The following SOX6 variants were observed in gnomAD, a reference collection of about 807,000 sequenced individuals.
SOX6 encodes the protein SRY-box transcription factor 6.
SOX6 carries 11 observed loss-of-function variants against 97.8 expected under a neutral mutation model. The observed-to-expected ratio is 0.11, with a 90% CI of 0.07 to 0.19. The LOEUF is 0.19. Among genes scored for constraint, SOX6 ranks in the 10% least tolerant of loss-of-function variants. The pLI is 1.00. For synonymous variants in SOX6, 360 were observed against 371.4 expected (o/e 0.97, Z 0.35); for missense variants, 810 against 1,039.5 (o/e 0.78, Z 3.04).
intron 1 of SOX6, among the ~76,000 whole-genome samples, chr11:16,390,363 C>T (rs1295367393): frequency 6.6e-6 from 1 of 152,154 alleles, no homozygotes; most frequent in Non-Finnish European, 1.5e-5. Flanking sequence ...ATTCTCCTCT[C>T]AAGATTTAGT....
intron 4 of SOX6, among the ~76,000 whole-genome samples, chr11:16,187,569 A>G (rs1028058047): frequency 1.3e-5 from 2 of 152,168 alleles, no homozygotes; most frequent in Non-Finnish European, 2.9e-5. Flanking sequence ...GAAAGGATCA[A>G]GTAAAATTCC....
chr11:16,147,944 C>T (rs1180239414), intron 6 of SOX6, among the ~76,000 whole-genome samples: 2 of 152,184 alleles, frequency 1.3e-5, no homozygotes, highest in Non-Finnish European at 2.9e-5. Flanking sequence ...TGGTCTTTCA[C>T]ACACCTTTCA....
At chr11:16,325,727 C>T (rs948163573) in intron 2 of SOX6, among the ~76,000 whole-genome samples, 1 of 152,042 alleles carries the variant, frequency 6.6e-6, no homozygotes, top group Non-Finnish European at 1.5e-5. Flanking sequence ...AATCTAGATA[C>T]TTATTGCTAT....
chr11:16,338,748 C>T (rs1351619794), intron 2 of SOX6, among the ~76,000 whole-genome samples: 1 of 151,972 alleles, frequency 6.6e-6, no homozygotes, highest in East Asian at 1.9e-4. Context: ...ATTTCTTTTA[C>T]ATTAATATTT....
chr11:16,714,260 A>AC (rs200435224), intron 3 of SOX6, among the ~76,000 whole-genome samples: 1,738 of 152,108 alleles, frequency 0.011, 26 homozygotes, highest in African/African-American at 0.039. Context: ...GGAAAAAAAA[A>AC]ATCTGCTTCC....
At chr11:16,547,005 T>C (rs759213125) in intron 4 of SOX6, among the ~76,000 whole-genome samples, 1 of 152,024 alleles carries the variant, frequency 6.6e-6, no homozygotes, top group African/African-American at 2.4e-5. Flanking sequence ...TATATGATTT[T>C]TAAAAATACT....
chr11:16,357,080 GC>G (rs1857095214), upstream of SOX6, among the ~76,000 whole-genome samples: 1 of 151,928 alleles, frequency 6.6e-6, no homozygotes, highest in Admixed American at 6.6e-5. Flanking sequence ...AAAGGAAGAA[GC>G]CATTCTTCAT....
intron 4 of SOX6, among the ~76,000 whole-genome samples, chr11:16,586,715 G>A (rs1006362575): frequency 1.3e-5 from 2 of 151,760 alleles, no homozygotes; most frequent in African/African-American, 4.8e-5. Context: ...GTGAGAGACT[G>A]TCTGTAAAAA....
At chr11:16,350,947 A>G (rs1856931013) in intron 1 of SOX6, among the ~76,000 whole-genome samples, 1 of 152,132 alleles carries the variant, frequency 6.6e-6, no homozygotes, top group South Asian at 2.1e-4. Flanking sequence ...AATTAAAGTG[A>G]ATAGATAATC....
intron 12 of SOX6, 24 bp from the exon 13 acceptor site, chr11:16,015,074 C>T (rs1172509704): frequency 2.5e-6 from 4 of 1,599,946 alleles, no homozygotes; most frequent in Non-Finnish European, 2.6e-6. Flanking sequence ...TAATCAGAGG[C>T]TTATTCTAGT....
chr11:16,581,219 G>A (rs1270008094), intron 4 of SOX6, among the ~76,000 whole-genome samples: 2 of 152,068 alleles, frequency 1.3e-5, no homozygotes, highest in African/African-American at 4.8e-5. Flanking sequence ...ATGATAGGCT[G>A]GATAAAGAAA....
intron 4 of SOX6, among the ~76,000 whole-genome samples, chr11:16,597,738 C>T (rs1379224636): frequency 6.6e-6 from 1 of 151,850 alleles, no homozygotes; most frequent in Non-Finnish European, 1.5e-5. Flanking sequence ...ATAAAGAGAA[C>T]TTCTTAACTG....
At chr11:16,293,700 G>A (rs1399458196) in intron 3 of SOX6, among the ~76,000 whole-genome samples, 1 of 152,002 alleles carries the variant, frequency 6.6e-6, no homozygotes, top group Non-Finnish European at 1.5e-5. Flanking sequence ...GACTTTTACA[G>A]GTCTAAGCAC....
intron 3 of SOX6, among the ~76,000 whole-genome samples, chr11:16,647,308 T>A (rs1192344825): frequency 6.6e-6 from 1 of 152,074 alleles, no homozygotes; most frequent in Non-Finnish European, 1.5e-5. Context: ...TCTGCTAATT[T>A]GAATGCTATA....
intron 1 of SOX6, among the ~76,000 whole-genome samples, chr11:16,473,638 G>A (rs533492200): frequency 1.8e-4 from 27 of 148,918 alleles, no homozygotes; most frequent in Admixed American, 6.8e-4. Flanking sequence ...TGCAACCTCC[G>A]CCTCCTGGGT....
chr11:16,591,180 G>A (rs1188038237), intron 4 of SOX6, among the ~76,000 whole-genome samples: 1 of 152,042 alleles, frequency 6.6e-6, no homozygotes, highest in African/African-American at 2.4e-5. Context: ...GCAGCATCCA[G>A]CAGTTCACTG....
intron 4 of SOX6, among the ~76,000 whole-genome samples, chr11:16,542,035 T>C (rs1260182979): frequency 1.3e-5 from 2 of 152,200 alleles, no homozygotes; most frequent in African/African-American, 4.8e-5. Flanking sequence ...TGTGGCACTA[T>C]TCACAATAGC....
intron 5 of SOX6, 27 bp from the exon 6 acceptor site, chr11:16,183,981 T>A: frequency 3.8e-6 from 6 of 1,594,254 alleles, no homozygotes; most frequent in Non-Finnish European, 5.2e-6. Flanking sequence ...TTCATTAAGT[T>A]AAAATGAAAT....
chr11:16,052,296 C>G (rs138594482), intron 10 of SOX6, among the ~76,000 whole-genome samples: 1 of 152,184 alleles, frequency 6.6e-6, no homozygotes, highest in Non-Finnish European at 1.5e-5. Flanking sequence ...TTGTGCTAAC[C>G]AAACCTGGTA....
Sources: allele counts gnomAD v4.1 joint callset (sites outside exome capture counted in the v4.1 genomes callset), GRCh38; gene constraint gnomAD v4.1.1; transcripts MANE v1.5; gene names NCBI Gene and HGNC (gene_info 2026-07-23, HGNC 2026-07-21).